The following DNAH11 variants were observed in gnomAD, a reference collection of about 807,000 sequenced individuals.
The protein encoded by DNAH11 is axonemal beta dynein heavy chain 11.
A neutral mutation model predicts 526.0 loss-of-function variants in DNAH11; 442 were observed. That is an observed-to-expected ratio of 0.84 (90% CI 0.78 to 0.91). DNAH11 has a LOEUF of 0.91. Among genes scored for constraint, DNAH11 ranks in the 40% least tolerant of loss-of-function variants. DNAH11 has a pLI of 0.00. For synonymous variants in DNAH11, 2,461 were observed against 1,935.9 expected, an observed-to-expected ratio of 1.27 and a Z score of -7.12; for missense variants, 6,989 against 5,448.7, an observed-to-expected ratio of 1.28 and a Z score of -8.90.
intron 2 of DNAH11, among the ~76,000 whole-genome samples, chr7:21,555,631 C>G (rs1422873319): frequency 6.6e-6 from 1 of 152,126 alleles, no homozygotes; most frequent in East Asian, 1.9e-4. Flanking sequence ...CTGAAAATGC[C>G]CAACCACCAA....
intron 52 of DNAH11, 136 bp downstream of exon 52, chr7:21,748,878 T>A: frequency 1.2e-6 from 1 of 820,204 alleles, no homozygotes; most frequent in Non-Finnish European, 1.8e-6. Flanking sequence ...GGGAGCTCTT[T>A]AAAGCAGTAA....
intron 48 of DNAH11, 147 bp downstream of exon 48, chr7:21,739,820 G>A (rs926889016): frequency 1.3e-5 from 8 of 596,088 alleles, no homozygotes; most frequent in South Asian, 7.1e-5. Context: ...ACAGACAGGG[G>A]TTCTAATAAG....
intron 42 of DNAH11, 130 bp downstream of exon 42, chr7:21,711,990 T>A: frequency 9.0e-7 from 1 of 1,112,994 alleles, no homozygotes; most frequent in Non-Finnish European, 1.3e-6. Context: ...GGAAGGATTT[T>A]ATCTTCCCAA....
chr7:21,783,033 A>G (rs1181314926), intron 57 of DNAH11, among the ~76,000 whole-genome samples: 1 of 152,212 alleles, frequency 6.6e-6, no homozygotes, highest in Non-Finnish European at 1.5e-5. Context: ...TGCCATTATA[A>G]ATGTTAACAA....
chr7:21,759,054 T>C (rs903810945), intron 54 of DNAH11, among the ~76,000 whole-genome samples: 1 of 152,198 alleles, frequency 6.6e-6, no homozygotes, highest in African/African-American at 2.4e-5. Context: ...TACGTTGTTA[T>C]GGGGCTAGAG....
In DNAH11 at chr7:21,653,206, G is replaced by A. The variant is rs1168409040; in HGVS notation, c.4945-2626G>A. Among the ~76,000 whole-genome samples the A allele has an allele frequency of 2.0e-5, 3 of 152,144 alleles. No homozygotes were observed. In the East Asian group the frequency reaches 5.8e-4, roughly 29 times the overall value. The stretch of plus-strand genomic sequence containing the variant: ...TATTCTTTTTAGTTGTAAAATGAAA[G>A]GCCTTTCCGAACAGCTCACTGGGAA... On this transcript the variant is annotated intron_variant, in intron 28 of 81. Transcript: ENST00000409508.
intron 30 of DNAH11, among the ~76,000 whole-genome samples, chr7:21,666,702 T>G (rs1782432806): frequency 6.6e-6 from 1 of 151,970 alleles, no homozygotes; most frequent in Non-Finnish European, 1.5e-5. Flanking sequence ...CCCTATTACC[T>G]GAATAGAGAA....
At chr7:21,689,786 G>C (rs1783532243) in intron 34 of DNAH11, among the ~76,000 whole-genome samples, 1 of 152,186 alleles carries the variant, frequency 6.6e-6, no homozygotes, top group Non-Finnish European at 1.5e-5. Flanking sequence ...TCATGATGCA[G>C]ACCCAGCTCC....
At chr7:21,679,277 C>A (rs531009624) in intron 30 of DNAH11, among the ~76,000 whole-genome samples, 5 of 152,030 alleles carry the variant, frequency 3.3e-5, no homozygotes, top group African/African-American at 4.8e-5. Context: ...AGGGTACAAA[C>A]TTTCAGTTAT....
chr7:21,868,173 C>G (rs983010194), intron 72 of DNAH11, among the ~76,000 whole-genome samples, 166 bp downstream of exon 72: 2 of 147,892 alleles, frequency 1.4e-5, no homozygotes, highest in African/African-American at 5.0e-5. Context: ...ACCCCATAGT[C>G]TGAAGAAATG....
chr7:21,702,901 T>C, intron 37 of DNAH11, 99 bp downstream of exon 37: 1 of 1,040,088 alleles, frequency 9.6e-7, no homozygotes, highest in Non-Finnish European at 1.4e-6. Flanking sequence ...CAGCACAACT[T>C]TTAAAAAGCA....
chr7:21,892,337 C>G, intron 76 of DNAH11, 88 bp from the exon 77 acceptor site: 1 of 1,521,312 alleles, frequency 6.6e-7, no homozygotes, highest in Non-Finnish European at 8.8e-7. Context: ...CTGGAGCCTT[C>G]TTGTCAGGGT....
chr7:21,629,282 T>C (rs996125785), intron 25 of DNAH11, among the ~76,000 whole-genome samples: 1 of 152,172 alleles, frequency 6.6e-6, no homozygotes. Context: ...TCGATATGAT[T>C]TCTACTTTTT....
intron 68 of DNAH11, among the ~76,000 whole-genome samples, chr7:21,860,520 A>G (rs1009561105): frequency 2.0e-5 from 3 of 152,236 alleles, no homozygotes; most frequent in African/African-American, 4.8e-5. Context: ...ATTATTTACA[A>G]TAGCCAAAAG....
chr7:21,765,719 C>T (rs548407938), intron 55 of DNAH11, 130 bp downstream of exon 55: 2 of 1,253,836 alleles, frequency 1.6e-6, no homozygotes, highest in African/African-American at 3.0e-5. Flanking sequence ...GAAAGCTATC[C>T]TGATTTGTTT....
In DNAH11 at chr7:21,637,502, G is replaced by C. The variant is rs77943705; in HGVS notation, c.4726-109G>C. 3.9e-3 allele frequency: 3,006 copies of C among 768,384 alleles called. 62 individuals are homozygous for C. The African/African-American group carries it at 0.042, about 11-fold the overall frequency. 47.6% of individuals were successfully genotyped at this position (768,384 alleles called of 1,614,324 possible). A position where few individuals can be genotyped will look rare whatever the true frequency, so the allele number is the denominator to read the frequency against. ...GTCAGACATTCTTAGAAGTATCTTT[G>C]ACCTTGCCTCTTCATTCTTTGTTCT... On this transcript the variant is annotated intron_variant, in intron 26 of 81. Transcript: ENST00000409508.
intron 20 of DNAH11, among the ~76,000 whole-genome samples, chr7:21,613,833 C>G (rs1171484626): frequency 1.3e-5 from 2 of 152,148 alleles, no homozygotes; most frequent in East Asian, 3.8e-4. Flanking sequence ...ACAATTTCAA[C>G]TCAGTGCAGC....
chr7:21,798,902 G>A (rs1057066802), intron 61 of DNAH11, among the ~76,000 whole-genome samples: 1 of 151,854 alleles, frequency 6.6e-6, no homozygotes, highest in Non-Finnish European at 1.5e-5. Context: ...TACATGGTGA[G>A]CTTATTAATA....
At chr7:21,666,665 A>G (rs1562739826) in intron 30 of DNAH11, among the ~76,000 whole-genome samples, 2 of 152,038 alleles carry the variant, frequency 1.3e-5, no homozygotes, top group African/African-American at 2.4e-5. Flanking sequence ...TGGATACAAT[A>G]TTGGTAGCAT....
Sources: gnomAD v4.1 joint callset for allele counts (sites outside exome capture counted in the v4.1 genomes callset) on GRCh38, gnomAD v4.1.1 for gene constraint, MANE v1.5 for transcripts, NCBI Gene and HGNC (gene_info 2026-07-23, HGNC 2026-07-21) for gene names.